RAB3B: variants seen among roughly 807,000 people sequenced by gnomAD.
RAB3B encodes ras-related protein Rab-3B.
Under a neutral mutation model 20.5 loss-of-function variants are expected in RAB3B, and 11 were observed. That is an observed-to-expected ratio of 0.54 (90% CI 0.34 to 0.89). RAB3B has a LOEUF of 0.89. Ranked by LOEUF, RAB3B falls within the 40% of genes least tolerant of loss-of-function variation. The pLI, the probability that RAB3B is intolerant of heterozygous loss-of-function variation, is 0.02. For missense variants in RAB3B, 225 were observed against 280.9 expected (o/e 0.80, Z 1.42); for synonymous variants, 99 against 106.3 (o/e 0.93, Z 0.42).
Position 51,908,422 on chromosome 1 carries a change from G to T in RAB3B, c.*11505C>A, listed in dbSNP as rs1683949700. ...TCCCCAGTTGAATAAATTAGAAAGA[G>T]CAGTTGGGGGAATTGAATATGATAT... On this transcript the variant is annotated 3_prime_UTR_variant, in exon 5 of 5. Transcript: ENST00000371655. The T allele has an allele frequency of 6.6e-6, 1 of 152,070 alleles. No homozygotes were observed. The highest frequency in any genetic ancestry group is 2.1e-4 in the South Asian group (1 of 4,832). 9.4% of individuals were successfully genotyped at this position (152,070 alleles called of 1,614,324 possible).
chr1:51,960,319 T>G (rs1205718798), intron 2 of RAB3B, among the ~76,000 whole-genome samples: 1 of 152,112 alleles, frequency 6.6e-6, no homozygotes, highest in African/African-American at 2.4e-5. Flanking sequence ...ACCCTTAGTT[T>G]TGAGCTGGGG....
chr1:51,929,151 A>C (rs946558500), intron 4 of RAB3B, among the ~76,000 whole-genome samples: 2 of 148,070 alleles, frequency 1.4e-5, no homozygotes, highest in African/African-American at 5.3e-5. Context: ...GGGAGAGAGA[A>C]GGTCTCTTTT....
In RAB3B at chr1:51,937,371, G is replaced by T; in HGVS notation, c.270C>A (p.Ala90=). 6.2e-7 allele frequency: 1 copy of T among 1,613,242 alleles called. No individual in the cohort carries two copies. Residue 90 remains alanine, a synonymous_variant, in exon 3 of 5, where the codon GCC becomes GCA. Transcript: ENST00000371655. ...GQERYRTITT[A]YYRGAMGFIL... is the part of the protein sequence containing the mutation. Reference sequence around the variant, plus strand: ...TGAAGCCCATGGCCCCACGGTAATAGGCTGTTGTGATGGTCCGGTACCGCT... The same window carrying T: ...TGAAGCCCATGGCCCCACGGTAATATGCTGTTGTGATGGTCCGGTACCGCT...
rs1326537195 is a variant in RAB3B, at chr1:51,912,596, TATATAA to T, written c.*7325_*7330del. 0.028 allele frequency: 1,020 copies of T among 36,288 alleles called. 334 individuals are homozygous for T. Among genetic ancestry groups the T allele is most frequent in the Middle Eastern group, 0.067 (4 of 60 alleles). 2.2% of individuals were successfully genotyped at this position (36,288 alleles called of 1,614,324 possible). ...ATATATATATATATATATATATATA[TATATAA>T]AAAATGTTACTCCTGTGAGACAGAA... On this transcript the variant is annotated 3_prime_UTR_variant, in exon 5 of 5. Transcript: ENST00000371655.
chr1:51,965,660 A>G (rs1684841678), intron 2 of RAB3B, among the ~76,000 whole-genome samples: 2 of 150,860 alleles, frequency 1.3e-5, no homozygotes. Flanking sequence ...AAAAAAAAAA[A>G]GGTGAATTTT....
At chr1:51,961,424 C>T (rs543382467) in intron 2 of RAB3B, among the ~76,000 whole-genome samples, 33 of 152,198 alleles carry the variant, frequency 2.2e-4, no homozygotes, top group Non-Finnish European at 2.2e-4. Flanking sequence ...CCCTGGGGTA[C>T]CACAGGGCAG....
At chr1:51,929,027 T>A (rs1280238287) in intron 4 of RAB3B, among the ~76,000 whole-genome samples, 1 of 152,232 alleles carries the variant, frequency 6.6e-6, no homozygotes, top group Non-Finnish European at 1.5e-5. Flanking sequence ...ACCACCATTT[T>A]AAACAGTTAT....
chr1:51,938,382 A>G (rs1684440079), intron 2 of RAB3B, among the ~76,000 whole-genome samples: 1 of 152,128 alleles, frequency 6.6e-6, no homozygotes. Flanking sequence ...AAAATAGAAA[A>G]TCAGACAAAT....
rs141016897 is a variant in RAB3B at position 51,934,599 on chromosome 1, G to A, written c.348-1157C>T. ...ATCCTAGCTAACATGGTGAAACCCCGTCTCCACTAAAAATTAAAAAAAAAA... is the reference window on the plus strand; with the variant it reads ...ATCCTAGCTAACATGGTGAAACCCCATCTCCACTAAAAATTAAAAAAAAAA... On this transcript the variant is annotated intron_variant, in intron 3 of 4. Coordinates refer to ENST00000371655, the MANE Select transcript of RAB3B (RefSeq NM_002867.4). Among the ~76,000 whole-genome samples, 978 of 151,608 alleles carry A rather than the reference G, an allele frequency of 6.5e-3. 26 individuals are homozygous for A. The South Asian group carries it at 0.092, about 14-fold the overall frequency.
rs1459843942 is a variant in RAB3B, at chr1:51,912,819, AAG to A, written c.*7106_*7107del. ...TAGATTAGACAAGGAGGCTGAGAAA[AAG>A]AGAAAAATCAAAGAATTAAGGATGA... On this transcript the variant is annotated 3_prime_UTR_variant, in exon 5 of 5. Transcript: ENST00000371655. 6.6e-6 allele frequency: 1 copy of A among 151,906 alleles called. No homozygotes were observed. Among genetic ancestry groups the A allele is most frequent in the African/African-American group, 2.4e-5 (1 of 41,336 alleles). The allele number at this position is 151,906 out of a possible 1,614,324, so 9.4% of individuals were successfully genotyped here.
intron 3 of RAB3B, 74 bp from the exon 4 acceptor site, chr1:51,933,516 T>A: frequency 7.0e-7 from 1 of 1,430,190 alleles, no homozygotes; most frequent in Non-Finnish European, 9.6e-7. Context: ...CCTCCAAATT[T>A]ACATGTTGAA....
Position 51,933,415 on chromosome 1 carries a change from C to T in RAB3B, c.375G>A (p.Trp125Ter). 6.2e-7 allele frequency: 1 copy of T among 1,613,190 alleles called. No individual in the cohort carries two copies. The highest frequency in any genetic ancestry group is 8.5e-7 in the Non-Finnish European group (1 of 1,179,270). Residue 125 changes from tryptophan (W) to a stop codon, truncating the protein, a stop_gained, in exon 4 of 5, where the codon TGG becomes TGA. Transcript: ENST00000371655. LOFTEE classifies it high-confidence loss of function. Reference protein sequence around the residue: ...DWATQIKTYSWDNAQVILVGN... With the variant: ...DWATQIKTYS ...CCACCAGAATAACTTGTGCATTGTC[C>T]CAGGAGTAGGTCTTGATCTGAGTAG...
chr1:51,941,265 G>T (rs1246493091), intron 2 of RAB3B, among the ~76,000 whole-genome samples: 1 of 152,168 alleles, frequency 6.6e-6, no homozygotes, highest in African/African-American at 2.4e-5. Context: ...AGGTGATGAA[G>T]CTAGAAAGAG....
intron 1 of RAB3B, chr1:51,980,387 C>A: frequency 2.6e-6 from 1 of 387,854 alleles, no homozygotes; most frequent in Non-Finnish European, 4.7e-6. Context: ...ATGATTGTGC[C>A]ACTGCACTCC....
At chr1:51,937,483 T>A in intron 2 of RAB3B, 71 bp from the exon 3 acceptor site, 1 of 1,055,116 alleles carries the variant, frequency 9.5e-7, no homozygotes, top group Non-Finnish European at 1.4e-6. Flanking sequence ...CCCAGGACAA[T>A]TAACTAATAA....
chr1:51,931,242 C>G (rs1257581423), intron 4 of RAB3B, among the ~76,000 whole-genome samples: 3 of 152,148 alleles, frequency 2.0e-5, no homozygotes, highest in African/African-American at 7.2e-5. Context: ...ATGCCCCTGC[C>G]TGGAATGCCC....
chr1:51,952,410 C>G (rs543875624), intron 2 of RAB3B, among the ~76,000 whole-genome samples: 1 of 152,240 alleles, frequency 6.6e-6, no homozygotes, highest in East Asian at 1.9e-4. Flanking sequence ...CTTTTTACTT[C>G]AAGTGGATTA....
intron 1 of RAB3B, chr1:51,980,434 A>C (rs1685071592): frequency 7.9e-6 from 4 of 505,292 alleles, no homozygotes; most frequent in Non-Finnish European, 1.4e-5. Context: ...TCTACCAAAA[A>C]AAAAAAAAAA....
At chr1:51,988,473 C>A (rs1398377983) in intron 1 of RAB3B, among the ~76,000 whole-genome samples, 3 of 152,242 alleles carry the variant, frequency 2.0e-5, no homozygotes, top group Non-Finnish European at 4.4e-5. Flanking sequence ...TTCCTTCCTC[C>A]TCCAGATTGG....
Sources: gnomAD v4.1 joint callset for allele counts (sites outside exome capture counted in the v4.1 genomes callset) on GRCh38, gnomAD v4.1.1 for gene constraint, MANE v1.5 for transcripts, NCBI Gene and HGNC (gene_info 2026-07-23, HGNC 2026-07-21) for gene names.